Variants in NKAIN3 observed in about 807,000 individuals in gnomAD.
The protein encoded by NKAIN3 is sodium/potassium transporting ATPase interacting 3, also known as sodium/potassium-transporting ATPase subunit beta-1-interacting protein 3.
In NKAIN3, 25 loss-of-function variants were observed where a neutral mutation model predicts 30.2. The ratio of observed to expected loss-of-function variants is 0.83; its 90% CI spans 0.60 to 1.16. NKAIN3 has a LOEUF of 1.16. NKAIN3 is among the 50% of genes most tolerant of loss of function. The pLI is 0.00. For synonymous variants in NKAIN3, 91 were observed against 89.6 expected (o/e 1.02, Z -0.09); for missense variants, 225 against 254.1 (o/e 0.89, Z 0.78).
intron 5 of NKAIN3, among the ~76,000 whole-genome samples, chr8:62,997,733 CAAAT>C (rs1804150694): frequency 6.8e-6 from 1 of 146,706 alleles, no homozygotes; most frequent in South Asian, 2.2e-4. Context: ...TTCAATTTAC[CAAAT>C]AAATGAGCTC....
intron 3 of NKAIN3, among the ~76,000 whole-genome samples, chr8:62,645,132 C>T (rs1272413645): frequency 2.0e-5 from 3 of 151,964 alleles, no homozygotes; most frequent in African/African-American, 7.2e-5. Flanking sequence ...GGAGGTGGAG[C>T]CAAAGAGTGT....
intron 1 of NKAIN3, among the ~76,000 whole-genome samples, chr8:62,423,628 C>T (rs1718860825): frequency 6.6e-6 from 1 of 151,596 alleles, no homozygotes; most frequent in African/African-American, 2.4e-5. Context: ...AGCTTTTAAC[C>T]AGGTCTATCC....
At chr8:62,435,498 A>G (rs983761110) in intron 1 of NKAIN3, among the ~76,000 whole-genome samples, 2 of 152,136 alleles carry the variant, frequency 1.3e-5, no homozygotes, top group African/African-American at 2.4e-5. Context: ...CCAAGAAATA[A>G]TTTCAACCCT....
At chr8:62,925,977 C>G (rs1458707810) in intron 5 of NKAIN3, among the ~76,000 whole-genome samples, 1 of 152,152 alleles carries the variant, frequency 6.6e-6, no homozygotes, top group African/African-American at 2.4e-5. Context: ...CTCTCCAGTT[C>G]TCACCATTAC....
At chr8:62,324,513 A>G (rs1476107183) in intron 1 of NKAIN3, among the ~76,000 whole-genome samples, 1 of 152,144 alleles carries the variant, frequency 6.6e-6, no homozygotes, top group East Asian at 1.9e-4. Context: ...CAAACAATGG[A>G]TTGAATTAAT....
intron 1 of NKAIN3, among the ~76,000 whole-genome samples, chr8:62,279,630 A>G (rs1422310977): frequency 6.6e-6 from 1 of 152,142 alleles, no homozygotes; most frequent in Non-Finnish European, 1.5e-5. Flanking sequence ...TTAAATAGGG[A>G]ATCCTTTCCC....
chr8:62,350,505 C>T (rs1381413494), intron 1 of NKAIN3, among the ~76,000 whole-genome samples: 1 of 151,918 alleles, frequency 6.6e-6, no homozygotes, highest in African/African-American at 2.4e-5. Flanking sequence ...AGAGTTACAG[C>T]GTGGGACGAT....
chr8:62,590,581 A>T (rs73257135), intron 3 of NKAIN3, among the ~76,000 whole-genome samples: 3,164 of 152,018 alleles, frequency 0.021, 124 homozygotes, highest in African/African-American at 0.073. Flanking sequence ...AAAACTTCTC[A>T]TTATCAAATA....
At chr8:62,398,861 G>A (rs368900018) in intron 1 of NKAIN3, among the ~76,000 whole-genome samples, 18 of 152,332 alleles carry the variant, frequency 1.2e-4, no homozygotes, top group African/African-American at 4.3e-4. Context: ...GGAGACCAAG[G>A]CAGGCAGATC....
rs56213868 is a variant in NKAIN3 at position 62,973,390 on chromosome 8, G to A, written c.*7983G>A. ...TGGTGTGAGGTGGTATCTCATTGTC[G>A]TTTTGATTTGCATTTCTCTAATGAC... On this transcript the variant is annotated 3_prime_UTR_variant, in exon 7 of 7. Coordinates refer to ENST00000623646, the MANE Select transcript of NKAIN3 (RefSeq NM_001304533.3). Among the ~76,000 whole-genome samples, 16,187 of 152,070 alleles carry A rather than the reference G, an allele frequency of 0.11. 900 individuals are homozygous for A. Among genetic ancestry groups the A allele is most frequent in the South Asian group, 0.17 (822 of 4,814 alleles).
intron 3 of NKAIN3, among the ~76,000 whole-genome samples, chr8:62,673,692 A>G (rs1813383027): frequency 1.3e-5 from 2 of 152,202 alleles, no homozygotes; most frequent in African/African-American, 4.8e-5. Context: ...TATATGGTAT[A>G]GTCTGTTTCT....
chr8:62,534,225 T>C (rs985167697), intron 1 of NKAIN3, among the ~76,000 whole-genome samples: 2 of 152,068 alleles, frequency 1.3e-5, no homozygotes, highest in Admixed American at 6.6e-5. Flanking sequence ...GAAGCCCGGG[T>C]CTGAGTTAAA....
chr8:62,798,230 T>C lies in NKAIN3; in HGVS notation c.471+51101T>C, dbSNP rs113725638. On this transcript the variant is annotated intron_variant, in intron 4 of 6. Coordinates refer to ENST00000623646, the MANE Select transcript of NKAIN3 (RefSeq NM_001304533.3). The stretch of plus-strand genomic sequence containing the variant: ...AAACTCTATCAGATCTGTAAAGCTA[T>C]GCATCTCCTGTTGGGTTGCCGATAT... 5.9e-3 allele frequency among the ~76,000 whole-genome samples: 904 copies of C among 152,264 alleles called. 9 individuals carry two copies. The highest frequency in any genetic ancestry group is 0.02 in the African/African-American group (845 of 41,546).
In NKAIN3 at chr8:62,414,887, T is replaced by C. The variant is rs74426745; in HGVS notation, c.55-164652T>C. Among the ~76,000 whole-genome samples, 896 of 151,550 alleles carry C rather than the reference T, an allele frequency of 5.9e-3. 10 individuals carry two copies. The highest frequency in any genetic ancestry group is 0.02 in the African/African-American group (841 of 41,386). On this transcript the variant is annotated intron_variant, in intron 1 of 6. Transcript: ENST00000623646. The stretch of plus-strand genomic sequence containing the variant: ...AAAATTCAGAGACTGACAAGGGCAT[T>C]TACCCAGCACACTTTCAAGTCAATC...
At chr8:62,257,259 A>G (rs1817890455) in intron 1 of NKAIN3, among the ~76,000 whole-genome samples, 1 of 152,206 alleles carries the variant, frequency 6.6e-6, no homozygotes, top group Non-Finnish European at 1.5e-5. Flanking sequence ...TATTCATAAG[A>G]AAGTTCTGCA....
intron 3 of NKAIN3, among the ~76,000 whole-genome samples, chr8:62,689,232 G>T (rs1813888273): frequency 6.6e-6 from 1 of 152,042 alleles, no homozygotes; most frequent in African/African-American, 2.4e-5. Flanking sequence ...AAGTGCTTGG[G>T]TATCATCCTT....
chr8:62,540,833 GA>G (rs34251734), intron 1 of NKAIN3, among the ~76,000 whole-genome samples: 1 of 150,530 alleles, frequency 6.6e-6, no homozygotes, highest in Admixed American at 6.6e-5. Flanking sequence ...CTTCAGTCTT[GA>G]AAAAAAAGGG....
At chr8:62,879,700 C>T (rs548787198) in intron 4 of NKAIN3, among the ~76,000 whole-genome samples, 2 of 152,140 alleles carry the variant, frequency 1.3e-5, no homozygotes, top group African/African-American at 2.4e-5. Context: ...AATGCTCCCA[C>T]CTAACAGAGG....
At chr8:62,686,080 G>T (rs1813793646) in intron 3 of NKAIN3, among the ~76,000 whole-genome samples, 1 of 152,066 alleles carries the variant, frequency 6.6e-6, no homozygotes, top group African/African-American at 2.4e-5. Context: ...GCAGCTACCA[G>T]TCCTTCAGGA....
Sources: gnomAD v4.1 joint callset for allele counts (sites outside exome capture counted in the v4.1 genomes callset) on GRCh38, gnomAD v4.1.1 for gene constraint, MANE v1.5 for transcripts, NCBI Gene and HGNC (gene_info 2026-07-23, HGNC 2026-07-21) for gene names.